GLIS3: variants seen among roughly 807,000 people sequenced by gnomAD.
The protein encoded by GLIS3 is zinc finger protein GLIS3.
GLIS3 carries 53 observed loss-of-function variants against 78.6 expected under a neutral mutation model. That is an observed-to-expected ratio of 0.67 (90% CI 0.54 to 0.85). GLIS3 has a LOEUF of 0.85. GLIS3 is among the 40% of genes least tolerant of loss of function. The pLI, the probability that GLIS3 is intolerant of heterozygous loss-of-function variation, is 0.00. For synonymous variants in GLIS3, 684 were observed against 509.9 expected (o/e 1.34, Z -4.60); for missense variants, 1,703 against 1,231.1 (o/e 1.38, Z -5.74).
At chr9:4,128,308 A>G (rs968149911) in intron 2 of GLIS3, among the ~76,000 whole-genome samples, 3 of 152,170 alleles carry the variant, frequency 2.0e-5, no homozygotes, top group African/African-American at 4.8e-5. Flanking sequence ...CCCATCACAC[A>G]TGTGCCTCAG....
intron 2 of GLIS3, among the ~76,000 whole-genome samples, chr9:4,214,510 T>TA (rs1424392505): frequency 1.3e-5 from 2 of 152,186 alleles, no homozygotes; most frequent in Non-Finnish European, 2.9e-5. Context: ...AGTCCCAAGA[T>TA]AGAAACCTTT....
intron 7 of GLIS3, among the ~76,000 whole-genome samples, chr9:3,884,530 G>C (rs922507668): frequency 1.3e-5 from 2 of 152,090 alleles, no homozygotes; most frequent in Non-Finnish European, 2.9e-5. Context: ...CTAGGTCTTG[G>C]GGGTGCTGAG....
chr9:4,005,148 A>G (rs543326478), intron 4 of GLIS3, among the ~76,000 whole-genome samples: 115 of 152,320 alleles, frequency 7.5e-4, no homozygotes, highest in African/African-American at 2.6e-3. Flanking sequence ...TGAGGCACCC[A>G]AAATGTCTTG....
At chr9:3,889,848 G>C (rs1354134238) in intron 7 of GLIS3, among the ~76,000 whole-genome samples, 1 of 152,186 alleles carries the variant, frequency 6.6e-6, no homozygotes, top group African/African-American at 2.4e-5. Flanking sequence ...AAATCACGGG[G>C]CAGGCCAGAT....
At chr9:4,084,625 C>T (rs968686188) in intron 4 of GLIS3, among the ~76,000 whole-genome samples, 4 of 152,086 alleles carry the variant, frequency 2.6e-5, no homozygotes, top group African/African-American at 4.8e-5. Flanking sequence ...TAAAATAACT[C>T]GTGGTAACAG....
intron 4 of GLIS3, among the ~76,000 whole-genome samples, chr9:4,102,785 C>A (rs1564052884): frequency 6.6e-6 from 1 of 152,018 alleles, no homozygotes; most frequent in African/African-American, 2.4e-5. Context: ...ACTGGATATG[C>A]TTTTTTTCGT....
the GLIS3 span, among the ~76,000 whole-genome samples, chr9:4,443,643 G>A: frequency 2.0e-5 from 3 of 152,184 alleles, no homozygotes; most frequent in Admixed American, 2.0e-4. Context: ...GGAAGCAAGA[G>A]CACAGCTGTT....
intron 2 of GLIS3, among the ~76,000 whole-genome samples, chr9:4,274,724 A>G (rs1826829486): frequency 1.3e-5 from 2 of 152,186 alleles, no homozygotes; most frequent in South Asian, 4.2e-4. Flanking sequence ...ACCCCTTCTG[A>G]GTGCAGGACC....
chr9:3,833,217 C>CT (rs1414930684), intron 9 of GLIS3, among the ~76,000 whole-genome samples: 1 of 152,152 alleles, frequency 6.6e-6, no homozygotes, highest in East Asian at 1.9e-4. Context: ...TTTTATCACT[C>CT]TAACAGCCAA....
At chr9:4,109,093 C>T (rs1406954929) in intron 4 of GLIS3, among the ~76,000 whole-genome samples, 1 of 152,032 alleles carries the variant, frequency 6.6e-6, no homozygotes, top group African/African-American at 2.4e-5. Context: ...CTCCTCTAAA[C>T]AGCTCAAGCA....
the GLIS3 span, among the ~76,000 whole-genome samples, chr9:4,407,527 G>A: frequency 3.9e-5 from 6 of 152,184 alleles, no homozygotes; most frequent in African/African-American, 1.4e-4. Context: ...GGCGCCTGTA[G>A]TCCCAGCTAC....
chr9:4,046,435 C>T (rs1388333126), intron 4 of GLIS3, among the ~76,000 whole-genome samples: 1 of 152,014 alleles, frequency 6.6e-6, no homozygotes, highest in Non-Finnish European at 1.5e-5. Context: ...CACTTTGGGG[C>T]CCAAATAAAC....
chr9:3,843,471 T>TGTTGTATTTGGGAAACCTGAC (rs1245453471), intron 9 of GLIS3, among the ~76,000 whole-genome samples: 2 of 152,192 alleles, frequency 1.3e-5, no homozygotes, highest in African/African-American at 4.8e-5. Flanking sequence ...GGAAAGTGGA[T>TGTTGTATTTGGGAAACCTGAC]GTTGTATTTG....
chr9:4,073,560 G>A (rs1827794306), intron 4 of GLIS3, among the ~76,000 whole-genome samples: 1 of 152,130 alleles, frequency 6.6e-6, no homozygotes, highest in South Asian at 2.1e-4. Context: ...GAAATACAAC[G>A]CACAGCTGCA....
intron 9 of GLIS3, among the ~76,000 whole-genome samples, chr9:3,853,721 C>A (rs540013128): frequency 3.7e-4 from 56 of 152,286 alleles, no homozygotes; most frequent in African/African-American, 1.3e-3. Context: ...TTTCAAAACA[C>A]TTTTTAAAGA....
At chr9:3,978,566 T>C (rs1818970644) in intron 4 of GLIS3, among the ~76,000 whole-genome samples, 1 of 152,002 alleles carries the variant, frequency 6.6e-6, no homozygotes, top group Admixed American at 6.6e-5. Flanking sequence ...ACTGAATCAA[T>C]CCCCTCTTGC....
upstream of GLIS3, among the ~76,000 whole-genome samples, chr9:4,353,288 A>G (rs1817997909): frequency 6.6e-6 from 1 of 152,136 alleles, no homozygotes; most frequent in African/African-American, 2.4e-5. Context: ...CAACTCCTCA[A>G]AGACTCCACT....
intron 4 of GLIS3, among the ~76,000 whole-genome samples, chr9:4,013,379 C>G (rs1253750516): frequency 6.6e-6 from 1 of 152,094 alleles, no homozygotes; most frequent in Non-Finnish European, 1.5e-5. Context: ...TTCCCAATAT[C>G]CAAGGAAGCT....
intron 6 of GLIS3, among the ~76,000 whole-genome samples, chr9:3,903,659 C>A (rs982780709): frequency 1.3e-5 from 2 of 152,084 alleles, no homozygotes; most frequent in African/African-American, 4.8e-5. Context: ...CAACAGCAAT[C>A]AAAACAAAGA....
Sources: gnomAD v4.1 joint callset for allele counts (sites outside exome capture counted in the v4.1 genomes callset) on GRCh38, gnomAD v4.1.1 for gene constraint, MANE v1.5 for transcripts, NCBI Gene and HGNC (gene_info 2026-07-23, HGNC 2026-07-21) for gene names.